ADAMTS19: variants seen among roughly 807,000 people sequenced by gnomAD.
ADAMTS19 encodes the protein A disintegrin and metalloproteinase with thrombospondin motifs 19.
ADAMTS19 carries 93 observed loss-of-function variants against 153.3 expected under a neutral mutation model. That is an observed-to-expected ratio of 0.61 (90% CI 0.51 to 0.72). ADAMTS19 has a LOEUF of 0.72. ADAMTS19 is among the 30% of genes least tolerant of loss of function. The probability of loss-of-function intolerance (pLI) is 0.00; values close to 1 mark genes in which losing one functional copy is unlikely to be tolerated. For missense variants in ADAMTS19, 1,482 were observed against 1,552.1 expected (o/e 0.95, Z 0.76); for synonymous variants, 600 against 556.6 (o/e 1.08, Z -1.10).
chr5:129,601,092 C>G (rs1025439329), intron 8 of ADAMTS19, among the ~76,000 whole-genome samples: 2 of 152,082 alleles, frequency 1.3e-5, no homozygotes, highest in Non-Finnish European at 2.9e-5. Context: ...AGGCTGGTCT[C>G]GAACTCCTGA....
chr5:129,692,016 A>G (rs1755360709), intron 18 of ADAMTS19, among the ~76,000 whole-genome samples: 1 of 152,148 alleles, frequency 6.6e-6, no homozygotes, highest in Non-Finnish European at 1.5e-5. Flanking sequence ...GCAGTTGGCA[A>G]AATGTCATCA....
At chr5:129,580,341 A>G (rs1425921042) in intron 7 of ADAMTS19, among the ~76,000 whole-genome samples, 1 of 152,170 alleles carries the variant, frequency 6.6e-6, no homozygotes, top group African/African-American at 2.4e-5. Flanking sequence ...TTGGGCTGAA[A>G]CGATGGGGTT....
chr5:129,510,247 A>G (rs997467675), intron 3 of ADAMTS19, among the ~76,000 whole-genome samples: 3 of 151,910 alleles, frequency 2.0e-5, no homozygotes, highest in African/African-American at 7.2e-5. Flanking sequence ...TCACATTTGT[A>G]GAGACCAGAG....
At chr5:129,693,693 C>T (rs920648333) in intron 18 of ADAMTS19, among the ~76,000 whole-genome samples, 2 of 151,968 alleles carry the variant, frequency 1.3e-5, no homozygotes, top group African/African-American at 4.8e-5. Flanking sequence ...TAATATAACT[C>T]CTGTAAAGGA....
chr5:129,563,287 G>A (rs376663887), intron 7 of ADAMTS19, among the ~76,000 whole-genome samples: 1 of 151,996 alleles, frequency 6.6e-6, no homozygotes, highest in Non-Finnish European at 1.5e-5. Context: ...AATTATTGAG[G>A]TCATCTTTTT....
intron 7 of ADAMTS19, among the ~76,000 whole-genome samples, chr5:129,594,332 C>T (rs1176917381): frequency 6.6e-6 from 1 of 151,958 alleles, no homozygotes; most frequent in East Asian, 1.9e-4. Flanking sequence ...ATATGATAAC[C>T]CATGTTAGCT....
intron 11 of ADAMTS19, among the ~76,000 whole-genome samples, chr5:129,643,644 A>G (rs1752927727): frequency 6.6e-6 from 1 of 152,178 alleles, no homozygotes; most frequent in Non-Finnish European, 1.5e-5. Flanking sequence ...AAAACTAGAA[A>G]TATTTTATCA....
At chr5:129,515,526 T>A (rs1751574712) in intron 3 of ADAMTS19, among the ~76,000 whole-genome samples, 3 of 151,910 alleles carry the variant, frequency 2.0e-5, no homozygotes, top group Non-Finnish European at 4.4e-5. Flanking sequence ...GGTTAATTCT[T>A]AGATATTTAA....
At chr5:129,721,381 C>T (rs1319546585) in intron 21 of ADAMTS19, among the ~76,000 whole-genome samples, 3 of 152,052 alleles carry the variant, frequency 2.0e-5, no homozygotes, top group Non-Finnish European at 4.4e-5. Context: ...TATTTTAGAC[C>T]TAATTAACCT....
At chr5:129,583,214 C>A (rs1749612656) in intron 7 of ADAMTS19, among the ~76,000 whole-genome samples, 2 of 152,126 alleles carry the variant, frequency 1.3e-5, no homozygotes, top group Non-Finnish European at 2.9e-5. Context: ...AAATTCTTTT[C>A]TTCAAGAATA....
At chr5:129,733,777 C>T (rs1287034222) in intron 21 of ADAMTS19, among the ~76,000 whole-genome samples, 4 of 151,934 alleles carry the variant, frequency 2.6e-5, no homozygotes, top group Admixed American at 2.6e-4. Flanking sequence ...AATAGAACTA[C>T]CATTTGACTC....
chr5:129,497,700 A>G (rs1750970995), intron 2 of ADAMTS19, among the ~76,000 whole-genome samples: 1 of 152,088 alleles, frequency 6.6e-6, no homozygotes, highest in South Asian at 2.1e-4. Context: ...TCCCAATATC[A>G]CACCATTAAT....
At chr5:129,551,837 A>C in intron 6 of ADAMTS19, 27 bp from the exon 7 acceptor site, 1 of 1,458,428 alleles carries the variant, frequency 6.9e-7, no homozygotes. Context: ...ATTTATCTTT[A>C]TTTCAGTTTT....
At chr5:129,507,709 C>CGA (rs149286655) in intron 2 of ADAMTS19, among the ~76,000 whole-genome samples, 3,722 of 132,768 alleles carry the variant, frequency 0.028, 124 homozygotes, top group African/African-American at 0.092. Flanking sequence ...AGATCTAGAG[C>CGA]GAGAGAGAGA....
rs1751544630 is a variant in ADAMTS19 at position 129,514,768 on chromosome 5, C to T, written c.913+5526C>T. On this transcript the variant is annotated intron_variant, in intron 3 of 22. Coordinates refer to ENST00000274487, the MANE Select transcript of ADAMTS19 (RefSeq NM_133638.6). ...TCCACTTTGTTAATTGTATCCTTTG[C>T]CGTGCAGAAGCTTTTTAACTTGATG... Among the ~76,000 whole-genome samples the T allele has an allele frequency of 3.9e-5, 6 of 152,076 alleles. No homozygotes were observed. In the South Asian group the frequency reaches 1.2e-3, roughly 32 times the overall value.
chr5:129,468,000 T>G (rs971675896), intron 2 of ADAMTS19, among the ~76,000 whole-genome samples: 1 of 152,250 alleles, frequency 6.6e-6, no homozygotes, highest in Non-Finnish European at 1.5e-5. Flanking sequence ...TGTAAAGAGA[T>G]TCCCCTTTTT....
At chr5:129,521,024 A>G (rs75721695) in intron 3 of ADAMTS19, among the ~76,000 whole-genome samples, 17,313 of 152,160 alleles carry the variant, frequency 0.11, 1,093 homozygotes, top group Middle Eastern at 0.16. Context: ...ATAGCCTTCT[A>G]GAATGGAATC....
chr5:129,706,516 C>G (rs1165055707), intron 21 of ADAMTS19, among the ~76,000 whole-genome samples: 1 of 146,872 alleles, frequency 6.8e-6, no homozygotes, highest in Non-Finnish European at 1.5e-5. Context: ...TTCCAGTGAG[C>G]CAAGATAACG....
chr5:129,576,039 C>T (rs2126873178), intron 7 of ADAMTS19, among the ~76,000 whole-genome samples: 1 of 139,146 alleles, frequency 7.2e-6, no homozygotes, highest in Non-Finnish European at 1.5e-5. Flanking sequence ...ATCTCATCAT[C>T]TTAATGCGGG....
Sources: gnomAD v4.1 joint callset for allele counts (sites outside exome capture counted in the v4.1 genomes callset) on GRCh38, gnomAD v4.1.1 for gene constraint, MANE v1.5 for transcripts, NCBI Gene and HGNC (gene_info 2026-07-23, HGNC 2026-07-21) for gene names.